GTF2E1: variants seen among roughly 807,000 people sequenced by gnomAD.
GTF2E1 encodes the protein TFIIE alpha subunit.
GTF2E1 carries 14 observed loss-of-function variants against 34.9 expected under a neutral mutation model. The ratio of observed to expected loss-of-function variants is 0.40; its 90% CI spans 0.27 to 0.63. The LOEUF (loss-of-function observed/expected upper bound fraction) is 0.63. GTF2E1 is among the 20% of genes least tolerant of loss of function. The pLI, the probability that GTF2E1 is intolerant of heterozygous loss-of-function variation, is 0.39. For missense variants in GTF2E1, 469 were observed against 557.7 expected (o/e 0.84, Z 1.60); for synonymous variants, 188 against 192.9 (o/e 0.97, Z 0.21).
chr3:120,765,441 A>G (rs1187161250), intron 2 of GTF2E1, among the ~76,000 whole-genome samples: 4 of 152,200 alleles, frequency 2.6e-5, no homozygotes. Context: ...ATTATTTGTT[A>G]TAAATCTTTT....
chr3:120,755,756 C>G (rs900218303), intron 2 of GTF2E1, among the ~76,000 whole-genome samples: 1 of 152,126 alleles, frequency 6.6e-6, no homozygotes, highest in African/African-American at 2.4e-5. Flanking sequence ...TAGCCATCCC[C>G]CATCCCTACT....
intron 3 of GTF2E1, among the ~76,000 whole-genome samples, chr3:120,775,041 G>T (rs921074852): frequency 4.6e-5 from 7 of 152,270 alleles, no homozygotes; most frequent in African/African-American, 1.7e-4. Flanking sequence ...CAGAAACACA[G>T]TGTAATTTAG....
At chr3:120,752,582 G>A (rs11709002) in intron 2 of GTF2E1, among the ~76,000 whole-genome samples, 73,030 of 151,930 alleles carry the variant, frequency 0.48, 18,891 homozygotes, top group Non-Finnish European at 0.59. Context: ...ATCAGTATTT[G>A]GGAGACTGAT....
intron 2 of GTF2E1, among the ~76,000 whole-genome samples, chr3:120,753,508 T>G (rs1226621167): frequency 1.3e-5 from 2 of 152,186 alleles, no homozygotes; most frequent in Non-Finnish European, 2.9e-5. Flanking sequence ...GACTTATGGT[T>G]TACATAAGCA....
intron 2 of GTF2E1, among the ~76,000 whole-genome samples, chr3:120,764,158 C>T (rs1370936183): frequency 6.6e-6 from 1 of 152,144 alleles, no homozygotes; most frequent in African/African-American, 2.4e-5. Context: ...TATAATAGAG[C>T]AACACCCCTT....
intron 1 of GTF2E1, among the ~76,000 whole-genome samples, chr3:120,749,440 C>T (rs1448694973): frequency 2.6e-5 from 4 of 152,056 alleles, no homozygotes; most frequent in Admixed American, 1.3e-4. Flanking sequence ...CAATACCTAA[C>T]TTATTGAGAG....
intron 3 of GTF2E1, 54 bp downstream of exon 3, chr3:120,770,983 T>G: frequency 7.1e-7 from 1 of 1,402,130 alleles, no homozygotes; most frequent in Non-Finnish European, 1.0e-6. Context: ...TGTTCTTGTT[T>G]TAACTACCTG....
Position 120,781,171 on chromosome 3 carries a change from G to T in GTF2E1, c.1021G>T (p.Gly341Trp), listed in dbSNP as rs1196949411. ...TTCCTCTGCCATGGCTGGTTCAGTG[G>T]GGGCAGCTGCTCCAGTGACCGCTGC... is the stretch of plus-strand genomic sequence containing the variant. ...KTSSAMAGSVGAAAPVTAANG... is the reference protein window; with the variant it reads ...KTSSAMAGSVWAAAPVTAANG... Residue 341 changes from glycine to tryptophan, a missense_variant, in exon 5 of 5, where the codon GGG (glycine) becomes TGG (tryptophan). Gly to Trp is a radical substitution (Grantham distance 184). Transcript: ENST00000283875. 3.1e-6 allele frequency: 5 copies of T among 1,613,964 alleles called. No homozygotes were observed. In the Admixed American group the frequency reaches 8.3e-5, roughly 27 times the overall value.
chr3:120,772,239 G>A (rs447978), intron 3 of GTF2E1, among the ~76,000 whole-genome samples: 112,483 of 152,010 alleles, frequency 0.74, 42,525 homozygotes, highest in East Asian at 0.97. Context: ...CTCACTGGCT[G>A]CAATTGTTTT....
intron 2 of GTF2E1, among the ~76,000 whole-genome samples, chr3:120,759,260 TC>T (rs1488965122): frequency 6.6e-6 from 1 of 152,216 alleles, no homozygotes; most frequent in Non-Finnish European, 1.5e-5. Context: ...TCTGTTCATA[TC>T]CTTTGCCCAC....
At chr3:120,747,778 G>A (rs1369457844) in intron 1 of GTF2E1, among the ~76,000 whole-genome samples, 1 of 152,146 alleles carries the variant, frequency 6.6e-6, no homozygotes, top group Non-Finnish European at 1.5e-5. Flanking sequence ...TGGGATGGCT[G>A]GGTCAAATGG....
At chr3:120,777,517 G>GT (rs1245273435) in intron 4 of GTF2E1, among the ~76,000 whole-genome samples, 4 of 152,078 alleles carry the variant, frequency 2.6e-5, no homozygotes, top group Non-Finnish European at 4.4e-5. Flanking sequence ...AAAACCACTT[G>GT]TTTTTTGGCG....
chr3:120,771,713 G>A (rs1709353078), intron 3 of GTF2E1, among the ~76,000 whole-genome samples: 1 of 152,144 alleles, frequency 6.6e-6, no homozygotes, highest in Non-Finnish European at 1.5e-5. Context: ...TGGTACTGAT[G>A]TTACAGAATA....
At chr3:120,751,039 GT>G in intron 2 of GTF2E1, 39 bp downstream of exon 2, 1 of 1,279,764 alleles carries the variant, frequency 7.8e-7, no homozygotes, top group Non-Finnish European at 1.1e-6. Flanking sequence ...AAAATAAAGT[GT>G]GTATTACCTT....
intron 2 of GTF2E1, among the ~76,000 whole-genome samples, chr3:120,752,092 CT>C (rs1182058960): frequency 6.6e-6 from 1 of 152,064 alleles, no homozygotes; most frequent in Non-Finnish European, 1.5e-5. Flanking sequence ...AATCTGTGAC[CT>C]TTTTTTCTTA....
chr3:120,775,368 C>G (rs1016591907), intron 3 of GTF2E1, among the ~76,000 whole-genome samples: 2 of 151,950 alleles, frequency 1.3e-5, no homozygotes, highest in Non-Finnish European at 2.9e-5. Flanking sequence ...AAAGAAACAC[C>G]CAAAAGGTTT....
chr3:120,749,568 G>T (rs377423599), intron 1 of GTF2E1, among the ~76,000 whole-genome samples: 1 of 152,084 alleles, frequency 6.6e-6, no homozygotes. Flanking sequence ...ATTGATTTGC[G>T]TATATTGAAC....
chr3:120,745,772 C>T (rs932382588), intron 1 of GTF2E1, among the ~76,000 whole-genome samples: 1 of 152,048 alleles, frequency 6.6e-6, no homozygotes, highest in African/African-American at 2.4e-5. Context: ...GGATGTAAAA[C>T]AACAAAAAAT....
chr3:120,752,568 A>G (rs1470844213), intron 2 of GTF2E1, among the ~76,000 whole-genome samples: 1 of 152,216 alleles, frequency 6.6e-6, no homozygotes, highest in African/African-American at 2.4e-5. Flanking sequence ...TCCACTACTT[A>G]TATATCAGTA....
Sources: allele counts gnomAD v4.1 joint callset (sites outside exome capture counted in the v4.1 genomes callset), GRCh38; gene constraint gnomAD v4.1.1; transcripts MANE v1.5; gene names NCBI Gene and HGNC (gene_info 2026-07-23, HGNC 2026-07-21).